The following SMYD3 variants were observed in gnomAD, a reference collection of about 807,000 sequenced individuals.
SMYD3 encodes histone-lysine N-methyltransferase SMYD3.
Under a neutral mutation model 57.7 loss-of-function variants are expected in SMYD3, and 36 were observed. That is an observed-to-expected ratio of 0.62 (90% CI 0.48 to 0.82). The LOEUF is 0.82. Among genes scored for constraint, SMYD3 ranks in the 40% least tolerant of loss-of-function variants. SMYD3 has a pLI of 0.00. For missense variants in SMYD3, 515 were observed against 538.8 expected (o/e 0.96, Z 0.44); for synonymous variants, 211 against 195.0 (o/e 1.08, Z -0.68).
chr1:246,174,990 T>G (rs6685031), intron 5 of SMYD3, among the ~76,000 whole-genome samples: 388 of 152,326 alleles, frequency 2.5e-3, no homozygotes, highest in African/African-American at 9.1e-3. Flanking sequence ...GTGGGTTACA[T>G]GAATATGCAT....
At chr1:246,302,659 T>C (rs1003879660) in intron 5 of SMYD3, among the ~76,000 whole-genome samples, 1 of 152,116 alleles carries the variant, frequency 6.6e-6, no homozygotes, top group Non-Finnish European at 1.5e-5. Flanking sequence ...GGACAGTTCA[T>C]GCTTCACGAA....
At chr1:246,017,040 TG>T (rs1288608682) in intron 5 of SMYD3, among the ~76,000 whole-genome samples, 2 of 152,214 alleles carry the variant, frequency 1.3e-5, no homozygotes, top group Non-Finnish European at 2.9e-5. Context: ...CAAAGTTTTT[TG>T]TTCCCTGAGG....
At chr1:246,258,831 C>T (rs1275948819) in intron 5 of SMYD3, among the ~76,000 whole-genome samples, 2 of 150,144 alleles carry the variant, frequency 1.3e-5, no homozygotes, top group Middle Eastern at 3.4e-3. Context: ...TTATTTTTTT[C>T]CTTCTCTCTC....
chr1:246,164,531 G>A (rs894399746), intron 5 of SMYD3, among the ~76,000 whole-genome samples: 1 of 152,210 alleles, frequency 6.6e-6, no homozygotes, highest in African/African-American at 2.4e-5. Flanking sequence ...CAGCCCCAGT[G>A]AGCCAAATCC....
intron 5 of SMYD3, among the ~76,000 whole-genome samples, chr1:246,100,595 T>C (rs2060992094): frequency 6.6e-6 from 1 of 152,200 alleles, no homozygotes; most frequent in African/African-American, 2.4e-5. Flanking sequence ...TGGTTCCAAG[T>C]CCAAGCTTGT....
chr1:246,219,311 C>A (rs1178713015), intron 5 of SMYD3, among the ~76,000 whole-genome samples: 1 of 152,096 alleles, frequency 6.6e-6, no homozygotes. Context: ...TCAAAGACTG[C>A]AGCTGGATGT....
intron 11 of SMYD3, among the ~76,000 whole-genome samples, 191 bp downstream of exon 11, chr1:245,763,850 T>C (rs1189435786): frequency 2.0e-5 from 3 of 152,192 alleles, no homozygotes; most frequent in African/African-American, 7.2e-5. Flanking sequence ...CATGCCTGCA[T>C]CACAGAAATA....
chr1:246,056,881 A>T (rs541936293), intron 5 of SMYD3, among the ~76,000 whole-genome samples: 4 of 152,276 alleles, frequency 2.6e-5, no homozygotes, highest in African/African-American at 9.6e-5. Flanking sequence ...CTCCTTACTT[A>T]ACAATTGGGC....
At chr1:246,135,970 TAAGA>T (rs1332023253) in intron 5 of SMYD3, among the ~76,000 whole-genome samples, 1 of 152,100 alleles carries the variant, frequency 6.6e-6, no homozygotes, top group African/African-American at 2.4e-5. Flanking sequence ...TTATGCAAAA[TAAGA>T]AAGAAAACAA....
intron 5 of SMYD3, among the ~76,000 whole-genome samples, chr1:245,950,067 A>G (rs2057574687): frequency 6.6e-6 from 1 of 152,224 alleles, no homozygotes; most frequent in South Asian, 2.1e-4. Context: ...GCAGACATCA[A>G]TTTAAGGACA....
intron 5 of SMYD3, among the ~76,000 whole-genome samples, chr1:245,997,963 C>T (rs116192982): frequency 0.013 from 1,973 of 152,306 alleles, 13 homozygotes; most frequent in Non-Finnish European, 0.022. Context: ...CCAGACAAAC[C>T]AACCTCTTTC....
intron 10 of SMYD3, among the ~76,000 whole-genome samples, chr1:245,784,793 A>T (rs1424805636): frequency 6.6e-6 from 1 of 151,744 alleles, no homozygotes; most frequent in Non-Finnish European, 1.5e-5. Context: ...AGCAGTTACA[A>T]GAGCTTCATT....
At chr1:246,244,066 T>TA (rs1237930399) in intron 5 of SMYD3, among the ~76,000 whole-genome samples, 3 of 141,812 alleles carry the variant, frequency 2.1e-5, no homozygotes, top group Admixed American at 1.4e-4. Flanking sequence ...ATATATGAGT[T>TA]AAAAAAACAT....
intron 1 of SMYD3, among the ~76,000 whole-genome samples, chr1:246,446,847 A>G (rs1422516818): frequency 6.6e-6 from 1 of 152,062 alleles, no homozygotes; most frequent in African/African-American, 2.4e-5. Flanking sequence ...GGCTAACATG[A>G]TGAAACCCCG....
intron 9 of SMYD3, among the ~76,000 whole-genome samples, chr1:245,863,428 C>T (rs1468410811): frequency 6.6e-6 from 1 of 152,116 alleles, no homozygotes; most frequent in Admixed American, 6.5e-5. Flanking sequence ...GTCAATGGCA[C>T]TGAATGATAA....
intron 10 of SMYD3, among the ~76,000 whole-genome samples, chr1:245,768,307 A>G (rs1212880806): frequency 8.5e-5 from 13 of 152,156 alleles, no homozygotes; most frequent in Non-Finnish European, 1.8e-4. Flanking sequence ...AAATGTACAC[A>G]CCAGCTTTAA....
At chr1:246,405,868 C>T (rs1183296980) in intron 1 of SMYD3, among the ~76,000 whole-genome samples, 2 of 148,270 alleles carry the variant, frequency 1.3e-5, no homozygotes, top group African/African-American at 5.0e-5. Flanking sequence ...CCAGATGGCG[C>T]CACTGCACTC....
chr1:245,864,608 G>T (rs1281493900), intron 8 of SMYD3, among the ~76,000 whole-genome samples: 1 of 152,086 alleles, frequency 6.6e-6, no homozygotes, highest in Non-Finnish European at 1.5e-5. Context: ...AGGGCTAAGA[G>T]GATTGGAGGG....
intron 9 of SMYD3, 47 bp from the exon 10 acceptor site, chr1:245,858,717 A>T: frequency 1.3e-6 from 2 of 1,575,884 alleles, no homozygotes; most frequent in Non-Finnish European, 1.7e-6. Flanking sequence ...TCAAGAAAAA[A>T]ACAAACAAAA....
Sources: allele counts gnomAD v4.1 joint callset (sites outside exome capture counted in the v4.1 genomes callset), GRCh38; gene constraint gnomAD v4.1.1; transcripts MANE v1.5; gene names NCBI Gene and HGNC (gene_info 2026-07-23, HGNC 2026-07-21).